The following RIMKLB variants were observed in gnomAD, a reference collection of about 807,000 sequenced individuals.
The protein encoded by RIMKLB is ribosomal modification protein rimK like family member B, also known as beta-citrylglutamate synthase B.
Under a neutral mutation model 32.0 loss-of-function variants are expected in RIMKLB, and 7 were observed. That is an observed-to-expected ratio of 0.22 (90% CI 0.12 to 0.41). The LOEUF (loss-of-function observed/expected upper bound fraction) is 0.41. Ranked by LOEUF, RIMKLB falls within the 10% of genes least tolerant of loss-of-function variation. RIMKLB has a pLI of 1.00. For missense variants in RIMKLB, 289 were observed against 498.7 expected (o/e 0.58, Z 4.00); for synonymous variants, 172 against 185.1 (o/e 0.93, Z 0.57).
At position 8,774,793 on chromosome 12, in the gene RIMKLB, A is replaced by G; in HGVS notation, c.*1009A>G. The stretch of plus-strand genomic sequence containing the variant: ...ATTTTTGGGGGCAAATCAAGAGCCT[A>G]TGAGTTCTAAGTATAAAGCTGAAGT... On this transcript the variant is annotated 3_prime_UTR_variant, in exon 6 of 6. Coordinates refer to ENST00000535829, the MANE Select transcript of RIMKLB (RefSeq NM_001297776.2). 5 of 985,658 alleles carry G rather than the reference A, an allele frequency of 5.1e-6. No homozygotes were observed. The highest frequency in any genetic ancestry group is 6.0e-6 in the Non-Finnish European group (5 of 829,904). The allele number at this position is 985,658 out of a possible 1,614,324, so 61.1% of individuals were successfully genotyped here.
chr12:8,685,717 TCACTG>T (rs1942548084), intron 1 of RIMKLB, among the ~76,000 whole-genome samples: 1 of 151,962 alleles, frequency 6.6e-6, no homozygotes, highest in Non-Finnish European at 1.5e-5. Flanking sequence ...AAATCTCGGC[TCACTG>T]CAACCTCCGC....
chr12:8,718,068 C>T (rs949369745), intron 2 of RIMKLB, among the ~76,000 whole-genome samples: 1 of 152,112 alleles, frequency 6.6e-6, no homozygotes, highest in African/African-American at 2.4e-5. Context: ...AACCATCTCC[C>T]GGTAGCAAGT....
intron 1 of RIMKLB, among the ~76,000 whole-genome samples, chr12:8,710,561 C>A (rs1024779271): frequency 2.6e-5 from 4 of 152,104 alleles, no homozygotes; most frequent in Non-Finnish European, 4.4e-5. Flanking sequence ...CCACCTTGGC[C>A]TTCCAAAGTT....
intron 2 of RIMKLB, among the ~76,000 whole-genome samples, chr12:8,717,070 C>CTT (rs1196151503): frequency 2.3e-3 from 261 of 113,950 alleles, no homozygotes; most frequent in African/African-American, 7.8e-3. Flanking sequence ...TTTTTTTTTT[C>CTT]TTTTTTTTTT....
In RIMKLB at chr12:8,762,708, T is replaced by C. The variant is rs963814589; in HGVS notation, c.697+8615T>C. Among the ~76,000 whole-genome samples the C allele has an allele frequency of 3.9e-5, 6 of 152,336 alleles. No homozygotes were observed. In the East Asian group the frequency reaches 1.2e-3, roughly 29 times the overall value. On this transcript the variant is annotated intron_variant, in intron 5 of 5. Coordinates refer to ENST00000535829, the MANE Select transcript of RIMKLB (RefSeq NM_001297776.2). ...TTTCCTTCTAATTCTAGTGCCTGAA[T>C]GAGGTCTGTTAGTTCTGCCAGCTGA...
intron 1 of RIMKLB, among the ~76,000 whole-genome samples, chr12:8,711,861 G>A (rs73036906): frequency 0.038 from 5,733 of 152,224 alleles, 331 homozygotes; most frequent in African/African-American, 0.12. Context: ...TGGGTACAGC[G>A]TCTGGTCAGG....
At chr12:8,766,970 G>A (rs778422860) in intron 5 of RIMKLB, among the ~76,000 whole-genome samples, 2 of 152,196 alleles carry the variant, frequency 1.3e-5, no homozygotes, top group Non-Finnish European at 1.5e-5. Context: ...TGCAGTTGCC[G>A]CTACCGACTG....
upstream of RIMKLB, among the ~76,000 whole-genome samples, chr12:8,694,499 T>C (rs1288376868): frequency 6.9e-6 from 1 of 145,816 alleles, no homozygotes; most frequent in Non-Finnish European, 1.5e-5. Flanking sequence ...GGTTCAAAAA[T>C]TCTCCTGCTT....
upstream of RIMKLB, among the ~76,000 whole-genome samples, chr12:8,680,971 T>C (rs1033403312): frequency 8.6e-5 from 13 of 151,004 alleles, no homozygotes. Flanking sequence ...TCAGAGCTGC[T>C]GTTCTTCAGG....
chr12:8,704,657 A>G (rs1250960805), intron 1 of RIMKLB, among the ~76,000 whole-genome samples: 1 of 152,158 alleles, frequency 6.6e-6, no homozygotes, highest in East Asian at 1.9e-4. Flanking sequence ...CCTGACTCCT[A>G]AAGTCATTCT....
chr12:8,780,747 A>T (rs1348799327), downstream of RIMKLB: 1 of 152,234 alleles, frequency 6.6e-6, no homozygotes, highest in East Asian at 1.9e-4. Context: ...ATGGTAAGTT[A>T]TCTTTAACTA....
chr12:8,735,445 G>A (rs1433305312), intron 2 of RIMKLB, among the ~76,000 whole-genome samples: 5 of 152,146 alleles, frequency 3.3e-5, no homozygotes, highest in Non-Finnish European at 2.9e-5. Flanking sequence ...GGCCAGGCTG[G>A]TGTCGAACTC....
At chr12:8,756,470 A>G (rs992594281) in intron 5 of RIMKLB, among the ~76,000 whole-genome samples, 1 of 152,168 alleles carries the variant, frequency 6.6e-6, no homozygotes, top group Non-Finnish European at 1.5e-5. Flanking sequence ...AGGCAAGTCA[A>G]AGAAGAGAAT....
At chr12:8,678,898 T>C (rs1247562246), upstream of RIMKLB, 1 of 152,260 alleles carries the variant, frequency 6.6e-6, no homozygotes, top group African/African-American at 2.4e-5. Flanking sequence ...GCATTCTTTA[T>C]GTCACTGAAG....
At chr12:8,674,307 C>T in the RIMKLB span, among the ~76,000 whole-genome samples, 2,331 of 143,382 alleles carry the variant, frequency 0.016, 51 homozygotes, top group African/African-American at 0.047. Context: ...GGCCTGATCT[C>T]GGCTCACTGC....
intron 2 of RIMKLB, among the ~76,000 whole-genome samples, chr12:8,732,756 T>TATACACACACACAC (rs1213499853): frequency 3.3e-5 from 5 of 150,144 alleles, no homozygotes; most frequent in African/African-American, 9.9e-5. Flanking sequence ...TATATATATA[T>TATACACACACACAC]ACACACACAC....
At chr12:8,752,730 GTTA>G (rs560106439) in intron 4 of RIMKLB, among the ~76,000 whole-genome samples, 32 of 151,176 alleles carry the variant, frequency 2.1e-4, no homozygotes, top group Non-Finnish European at 3.5e-4. Flanking sequence ...TGTTGTTGTT[GTTA>G]TTGTTTGTTT....
rs370179944 is a variant in RIMKLB, at chr12:8,764,164, C to G, written c.698-9157C>G. Among the ~76,000 whole-genome samples the G allele has an allele frequency of 2.0e-5, 3 of 152,212 alleles. No homozygotes were observed. The East Asian group carries it at 5.8e-4, about 29-fold the overall frequency. On this transcript the variant is annotated intron_variant, in intron 5 of 5. Coordinates refer to ENST00000535829, the MANE Select transcript of RIMKLB (RefSeq NM_001297776.2). ...CCTTGGGCTTTAGGTCCTTAACAAT[C>G]TTTTGGAGTCCTTGTTGGGCCTCGG...
intron 5 of RIMKLB, among the ~76,000 whole-genome samples, chr12:8,771,983 G>A (rs1950445992): frequency 6.6e-6 from 1 of 152,118 alleles, no homozygotes; most frequent in Non-Finnish European, 1.5e-5. Flanking sequence ...CCACCTCCTG[G>A]GTTCAAGCGA....
Sources: gnomAD v4.1 joint callset for allele counts (sites outside exome capture counted in the v4.1 genomes callset) on GRCh38, gnomAD v4.1.1 for gene constraint, MANE v1.5 for transcripts, NCBI Gene and HGNC (gene_info 2026-07-23, HGNC 2026-07-21) for gene names.